Variants in SIPA1L1 observed in about 807,000 individuals in gnomAD.
The protein encoded by SIPA1L1 is signal-induced proliferation-associated 1-like protein 1.
In SIPA1L1, 26 loss-of-function variants were observed where a neutral mutation model predicts 162.7. The ratio of observed to expected loss-of-function variants is 0.16; its 90% confidence interval spans 0.12 to 0.22. SIPA1L1 has a LOEUF of 0.22. SIPA1L1 is among the 10% of genes least tolerant of loss of function. The probability of loss-of-function intolerance (pLI) is 1.00; values close to 1 mark genes in which losing one functional copy is unlikely to be tolerated. For missense variants in SIPA1L1, 1,874 were observed against 2,241.0 expected, an observed-to-expected ratio of 0.84 and a Z score of 3.31; for synonymous variants, 829 against 837.4, an observed-to-expected ratio of 0.99 and a Z score of 0.17.
chr14:71,360,070 A>G (rs41227), intron 2 of SIPA1L1, among the ~76,000 whole-genome samples: 73,480 of 151,958 alleles, frequency 0.48, 18,317 homozygotes, highest in Admixed American at 0.54. Context: ...AGAGTTGAAC[A>G]GTGCTTCGGG....
chr14:71,712,828 G>C (rs2082973854), intron 17 of SIPA1L1, among the ~76,000 whole-genome samples: 1 of 152,174 alleles, frequency 6.6e-6, no homozygotes, highest in African/African-American at 2.4e-5. Context: ...TTGTTTTGGT[G>C]TCCACGGTTG....
rs398025583 is a variant in SIPA1L1 at position 71,387,248 on chromosome 14, CAAAAA to C, written c.-465+66091_-465+66095del. On this transcript the variant is annotated intron_variant, in intron 2 of 23. Coordinates refer to ENST00000381232, the MANE Select transcript of SIPA1L1 (RefSeq NM_001386936.1). Reference sequence around the variant, plus strand: ...GGGCAACAAGAGCGAAACTCTGTCTCAAAAAAAAAAAAAAAAAAAAAAAAAAAAGA... The same window carrying C: ...GGGCAACAAGAGCGAAACTCTGTCTCAAAAAAAAAAAAAAAAAAAAAAAGA... Among the ~76,000 whole-genome samples, 364 of 53,822 alleles carry C rather than the reference CAAAAA, an allele frequency of 6.8e-3. 1 individual carries two copies. Among genetic ancestry groups the C allele is most frequent in the African/African-American group, 0.031 (338 of 10,922 alleles). The allele number at this position is 53,822 out of a possible 152,430, so 35.3% of individuals were successfully genotyped here. A position where few individuals can be genotyped will look rare whatever the true frequency, so the allele number is the denominator to read the frequency against.
At chr14:71,737,152 C>T (rs914832081) in intron 22 of SIPA1L1, among the ~76,000 whole-genome samples, 11 of 152,210 alleles carry the variant, frequency 7.2e-5, no homozygotes. Context: ...CAGCCCACAG[C>T]CTTGCCACAC....
intron 2 of SIPA1L1, among the ~76,000 whole-genome samples, chr14:71,457,135 C>T (rs1211649283): frequency 6.6e-6 from 1 of 152,068 alleles, no homozygotes; most frequent in East Asian, 1.9e-4. Context: ...CCCTAGCATC[C>T]ATCTGACTTT....
rs756201714 is a variant in SIPA1L1, at chr14:71,588,774, A to G, written c.902A>G (p.Asn301Ser). The change falls in exon 5 of 24, where the codon AAT (asparagine) becomes AGT (serine). Residue 301 changes from asparagine to serine, a missense_variant. By Grantham distance (46) the Asn-to-Ser change is conservative (BLOSUM62 1). Transcript: ENST00000381232. The surrounding 1 kb of genome is among the most constrained non-coding windows in gnomAD (Gnocchi z 4.3). Reference protein sequence around the residue: ...GDSSIFRKLRNAKGEELGKSS... With the variant: ...GDSSIFRKLRSAKGEELGKSS... ...TCATCTATTTTTCGTAAATTGCGCA[A>G]TGCCAAAGGTGAAGAACTTGGGAAG... 20 of 1,614,010 alleles carry G rather than the reference A, an allele frequency of 1.2e-5. No homozygotes were observed. The highest frequency in any genetic ancestry group is 4.5e-5 in the East Asian group (2 of 44,880).
intron 5 of SIPA1L1, among the ~76,000 whole-genome samples, chr14:71,616,600 T>C (rs2038867648): frequency 2.0e-5 from 3 of 151,946 alleles, no homozygotes. Flanking sequence ...GGTGGGGCTT[T>C]GGATCATACA....
At chr14:71,425,252 G>C (rs2043478571) in intron 2 of SIPA1L1, among the ~76,000 whole-genome samples, 2 of 151,990 alleles carry the variant, frequency 1.3e-5, no homozygotes, top group African/African-American at 4.8e-5. Flanking sequence ...CTTTTGTTTA[G>C]TTTATCTCTA....
chr14:71,665,490 C>T (rs777370767), intron 10 of SIPA1L1, among the ~76,000 whole-genome samples: 7 of 152,112 alleles, frequency 4.6e-5, no homozygotes, highest in Admixed American at 2.6e-4. Context: ...TTATTTGTAT[C>T]GTTGCAGTGA....
chr14:71,643,318 G>A (rs1039690857), intron 7 of SIPA1L1, among the ~76,000 whole-genome samples: 8 of 152,244 alleles, frequency 5.3e-5, no homozygotes, highest in Middle Eastern at 3.4e-3. Context: ...TTTTTTAGTC[G>A]TTAGAGAAAT....
rs139565247 is a variant in SIPA1L1 at position 71,673,098 on chromosome 14, C to G, written c.3104+476C>G. The stretch of plus-strand genomic sequence containing the variant: ...CTCAGTCTGGCAGCTGCTTTCCTAA[C>G]TGTATCTGCATGTGCTAGGGTTTGG... On this transcript the variant is annotated intron_variant, in intron 12 of 23. Transcript: ENST00000381232. Among the ~76,000 whole-genome samples, 99 of 152,334 alleles carry G rather than the reference C, an allele frequency of 6.5e-4. 1 individual carries two copies. In the East Asian group the frequency reaches 0.018, roughly 27 times the overall value.
chr14:71,568,467 A>G (rs572477900), intron 4 of SIPA1L1, among the ~76,000 whole-genome samples: 21 of 152,236 alleles, frequency 1.4e-4, no homozygotes, highest in Admixed American at 5.9e-4. Flanking sequence ...TCCAGAGTTG[A>G]CCAATTGGTG....
chr14:71,662,204 G>A (rs1016650512), intron 10 of SIPA1L1, among the ~76,000 whole-genome samples: 1 of 152,192 alleles, frequency 6.6e-6, no homozygotes, highest in Non-Finnish European at 1.5e-5. Flanking sequence ...AATGTTACCT[G>A]CATAGAAAGT....
intron 2 of SIPA1L1, among the ~76,000 whole-genome samples, chr14:71,451,035 A>T (rs1167938123): frequency 2.0e-5 from 3 of 152,202 alleles, no homozygotes; most frequent in African/African-American, 7.2e-5. Flanking sequence ...GGTAAAGAAA[A>T]TATGGTATAT....
chr14:71,488,536 G>A (rs899171629), intron 2 of SIPA1L1, among the ~76,000 whole-genome samples: 1 of 152,108 alleles, frequency 6.6e-6, no homozygotes, highest in African/African-American at 2.4e-5. Context: ...GTGCTTTGAG[G>A]CTTCTTCAAA....
At chr14:71,714,059 T>C (rs2083080913) in intron 17 of SIPA1L1, among the ~76,000 whole-genome samples, 1 of 152,142 alleles carries the variant, frequency 6.6e-6, no homozygotes, top group African/African-American at 2.4e-5. Context: ...TTAGCCTAGG[T>C]TGTGGGTATG....
chr14:71,419,566 C>T (rs1270626687), intron 2 of SIPA1L1, among the ~76,000 whole-genome samples: 6 of 145,728 alleles, frequency 4.1e-5, no homozygotes, highest in African/African-American at 1.0e-4. Context: ...GGCGCAATCT[C>T]GGCTCACTGC....
At chr14:71,672,755 A>G in intron 12 of SIPA1L1, 133 bp downstream of exon 12, 1 of 1,010,226 alleles carries the variant, frequency 9.9e-7, no homozygotes, top group Non-Finnish European at 1.4e-6. Context: ...TGAATGTTTC[A>G]TCCATGGAGT....
chr14:71,460,754 G>T (rs2046541765), intron 2 of SIPA1L1, among the ~76,000 whole-genome samples: 1 of 152,158 alleles, frequency 6.6e-6, no homozygotes, highest in African/African-American at 2.4e-5. Flanking sequence ...TCCACCCCTT[G>T]ATTCCTGGAC....
chr14:71,520,792 A>C (rs1271335863), intron 3 of SIPA1L1, among the ~76,000 whole-genome samples: 1 of 152,058 alleles, frequency 6.6e-6, no homozygotes, highest in Admixed American at 6.6e-5. Context: ...TCACTCTGTC[A>C]CCCAGGCTGG....
Sources: allele counts gnomAD v4.1 joint callset (sites outside exome capture counted in the v4.1 genomes callset), GRCh38; gene constraint gnomAD v4.1.1; non-coding constraint Gnocchi (gnomAD v3.1); transcripts MANE v1.5; gene names NCBI Gene and HGNC (gene_info 2026-07-23, HGNC 2026-07-21).